The following SMAP1 variants were observed in gnomAD, a reference collection of about 807,000 sequenced individuals.
SMAP1 encodes stromal membrane-associated protein 1.
SMAP1 carries 24 observed loss-of-function variants against 58.5 expected under a neutral mutation model. The ratio of observed to expected loss-of-function variants is 0.41; its 90% CI spans 0.30 to 0.58. The LOEUF is 0.58. Ranked by LOEUF, SMAP1 falls within the 20% of genes least tolerant of loss-of-function variation. SMAP1 has a pLI of 0.29. For synonymous variants in SMAP1, 216 were observed against 196.6 expected, an observed-to-expected ratio of 1.10 and a Z score of -0.82; for missense variants, 563 against 566.3, an observed-to-expected ratio of 0.99 and a Z score of 0.06.
intron 1 of SMAP1, among the ~76,000 whole-genome samples, chr6:70,692,633 A>G (rs561349520): frequency 6.6e-6 from 1 of 152,294 alleles, no homozygotes; most frequent in African/African-American, 2.4e-5. Context: ...TCTTCTGCAT[A>G]TTTATATCCA....
Position 70,670,756 on chromosome 6 carries a change from G to A in SMAP1, c.118+2615G>A, listed in dbSNP as rs79695846. Among the ~76,000 whole-genome samples the A allele has an allele frequency of 5.4e-4, 82 of 152,234 alleles. No individual in the cohort carries two copies. The East Asian group carries it at 0.015, about 27-fold the overall frequency. ...AAAGAAGCTTCTTCCACTGATCTTT[G>A]AGAATATGTACCAAAACTAAAGCTT... On this transcript the variant is annotated intron_variant, in intron 1 of 10. Transcript: ENST00000370455.
chr6:70,737,628 T>G (rs903931955), intron 2 of SMAP1, among the ~76,000 whole-genome samples: 1 of 152,246 alleles, frequency 6.6e-6, no homozygotes, highest in African/African-American at 2.4e-5. Context: ...TTCCAGCAGT[T>G]AGAACATTTA....
At chr6:70,820,453 T>G (rs181499700) in intron 6 of SMAP1, among the ~76,000 whole-genome samples, 29 of 152,318 alleles carry the variant, frequency 1.9e-4, no homozygotes, top group African/African-American at 6.5e-4. Flanking sequence ...GGCTCACGCC[T>G]GTAGTCCCAG....
At chr6:70,826,934 C>CAAAAAA (rs61069311) in intron 6 of SMAP1, among the ~76,000 whole-genome samples, 52 of 76,238 alleles carry the variant, frequency 6.8e-4, no homozygotes, top group East Asian at 3.0e-3. Context: ...AACCGTGTCT[C>CAAAAAA]AAAAAAAAAA....
intron 2 of SMAP1, chr6:70,734,984 C>T (rs914370464): frequency 6.5e-6 from 1 of 153,216 alleles, no homozygotes; most frequent in African/African-American, 2.4e-5. Context: ...CCTTTTGCTT[C>T]ACTGGGAGAA....
chr6:70,731,470 A>G (rs147525394), intron 1 of SMAP1, among the ~76,000 whole-genome samples: 50 of 152,318 alleles, frequency 3.3e-4, no homozygotes, highest in African/African-American at 1.1e-3. Context: ...ACAAAAGTTT[A>G]TATTCTTGCC....
chr6:70,826,709 T>C (rs1458210407), intron 6 of SMAP1, among the ~76,000 whole-genome samples: 1 of 151,880 alleles, frequency 6.6e-6, no homozygotes, highest in East Asian at 1.9e-4. Flanking sequence ...TGCGTGGTGA[T>C]TGCACCACTG....
At chr6:70,771,991 A>G (rs996619573) in intron 3 of SMAP1, among the ~76,000 whole-genome samples, 1 of 152,156 alleles carries the variant, frequency 6.6e-6, no homozygotes, top group Non-Finnish European at 1.5e-5. Context: ...CAAGGTGGGA[A>G]CCATCCTGGG....
intron 4 of SMAP1, among the ~76,000 whole-genome samples, chr6:70,776,956 G>T (rs1012974728): frequency 3.3e-5 from 5 of 152,156 alleles, no homozygotes; most frequent in Admixed American, 2.0e-4. Context: ...AAACATGGGG[G>T]TTCAGGTATC....
intron 3 of SMAP1, among the ~76,000 whole-genome samples, chr6:70,758,235 T>C (rs1582125863): frequency 6.6e-6 from 1 of 151,520 alleles, no homozygotes; most frequent in South Asian, 2.1e-4. Flanking sequence ...ATGGATGAAA[T>C]TGGAAATCAT....
At chr6:70,674,310 G>A (rs993882436) in intron 1 of SMAP1, among the ~76,000 whole-genome samples, 4 of 151,860 alleles carry the variant, frequency 2.6e-5, no homozygotes, top group Non-Finnish European at 5.9e-5. Flanking sequence ...ACCACGTTTC[G>A]TCATGTTGCC....
chr6:70,749,706 T>A (rs1158344711), intron 2 of SMAP1, among the ~76,000 whole-genome samples: 1 of 152,204 alleles, frequency 6.6e-6, no homozygotes. Context: ...AGAATGAATT[T>A]TAGTTTTACT....
chr6:70,779,326 T>C (rs1767667807), intron 4 of SMAP1, among the ~76,000 whole-genome samples: 1 of 152,198 alleles, frequency 6.6e-6, no homozygotes, highest in Non-Finnish European at 1.5e-5. Flanking sequence ...GCTGGGATTA[T>C]TGGGCTTCAG....
At chr6:70,762,362 A>G (rs1180890009) in intron 3 of SMAP1, among the ~76,000 whole-genome samples, 1 of 152,148 alleles carries the variant, frequency 6.6e-6, no homozygotes, top group Non-Finnish European at 1.5e-5. Context: ...AACATAGACC[A>G]ACTGTCCCAC....
At position 70,861,728 on chromosome 6, in the gene SMAP1, T is replaced by C. The variant is rs976328147; in HGVS notation, c.*1394T>C. 9 of 1,614,008 alleles carry C rather than the reference T, an allele frequency of 5.6e-6. No individual in the cohort carries two copies. Among genetic ancestry groups the C allele is most frequent in the Non-Finnish European group, 7.6e-6 (9 of 1,179,992 alleles). ...TCGTTGGCTAGATTAACCTTCTCTG[T>C]CCGAGTGTGCCACACGAGAACCTGA... On this transcript the variant is annotated 3_prime_UTR_variant, in exon 11 of 11. Transcript: ENST00000370455.
chr6:70,858,052 A>G lies in SMAP1; in HGVS notation c.1092A>G (p.Pro364=). The stretch of plus-strand genomic sequence containing the variant: ...TAGGAAATGTGATGGGACAGAGTCC[A>G]AGCATGATGGTGGGCATGCCCATGC... ...GLIGNVMGQS[P]SMMVGMPMPN... The change falls in exon 10 of 11, where the codon CCA becomes CCG. Residue 364 remains proline, a synonymous_variant. Coordinates refer to ENST00000370455, the MANE Select transcript of SMAP1 (RefSeq NM_001044305.3). 1.9e-6 allele frequency: 3 copies of G among 1,614,090 alleles called. No individual in the cohort carries two copies. The highest frequency in any genetic ancestry group is 1.7e-4 in the Middle Eastern group (1 of 6,060).
chr6:70,685,197 T>G (rs771622150), intron 1 of SMAP1, among the ~76,000 whole-genome samples: 41 of 152,176 alleles, frequency 2.7e-4, no homozygotes, highest in Non-Finnish European at 4.7e-4. Context: ...TATATTTTGT[T>G]TGGTAAAAAA....
At chr6:70,773,947 A>G (rs1176684446) in intron 4 of SMAP1, among the ~76,000 whole-genome samples, 1 of 152,204 alleles carries the variant, frequency 6.6e-6, no homozygotes, top group Non-Finnish European at 1.5e-5. Context: ...TCAGTCAATG[A>G]CAGACTGTAT....
intron 5 of SMAP1, among the ~76,000 whole-genome samples, chr6:70,792,400 G>A (rs573828179): frequency 6.9e-5 from 10 of 144,914 alleles, no homozygotes; most frequent in African/African-American, 1.3e-4. Flanking sequence ...ATTTTTTCCC[G>A]TAGACATGGG....
Sources: gnomAD v4.1 joint callset for allele counts (sites outside exome capture counted in the v4.1 genomes callset) on GRCh38, gnomAD v4.1.1 for gene constraint, MANE v1.5 for transcripts, NCBI Gene and HGNC (gene_info 2026-07-23, HGNC 2026-07-21) for gene names.